Variants in RBFOX1 observed in about 807,000 individuals in gnomAD.
The protein encoded by RBFOX1 is RNA binding fox-1 homolog 1.
A neutral mutation model predicts 57.7 loss-of-function variants in RBFOX1; 8 were observed. The ratio of observed to expected loss-of-function variants is 0.14; its 90% CI spans 0.08 to 0.25. RBFOX1 has a LOEUF of 0.25. Ranked by LOEUF, RBFOX1 falls within the 10% of genes least tolerant of loss-of-function variation. The pLI is 1.00. For missense variants in RBFOX1, 611 were observed against 548.5 expected, an observed-to-expected ratio of 1.11 and a Z score of -1.14; for synonymous variants, 326 against 222.4, an observed-to-expected ratio of 1.47 and a Z score of -4.15.
intron 11 of RBFOX1, among the ~76,000 whole-genome samples, chr16:7,643,866 C>T (rs918123104): frequency 6.6e-6 from 1 of 152,108 alleles, no homozygotes; most frequent in African/African-American, 2.4e-5. Flanking sequence ...GGCGGGCACA[C>T]ACACAGACCC....
chr16:5,257,353 A>G (rs1596320353), intron 1 of RBFOX1, among the ~76,000 whole-genome samples: 2 of 152,194 alleles, frequency 1.3e-5, no homozygotes, highest in African/African-American at 2.4e-5. Flanking sequence ...GTTACATGCT[A>G]TGAGAACCTG....
intron 9 of RBFOX1, among the ~76,000 whole-genome samples, chr16:7,604,834 G>T (rs1253268116): frequency 6.6e-6 from 1 of 152,134 alleles, no homozygotes; most frequent in East Asian, 1.9e-4. Context: ...ATATGCAAAA[G>T]AAAGTATTTA....
intron 4 of RBFOX1, among the ~76,000 whole-genome samples, chr16:7,344,578 A>G (rs950843447): frequency 2.6e-5 from 4 of 151,532 alleles, no homozygotes; most frequent in African/African-American, 4.8e-5. Context: ...TATATGTAAT[A>G]TAAATGATAA....
At chr16:5,420,984 TTCCTCCTCCTCC>T (rs141254741) in intron 1 of RBFOX1, among the ~76,000 whole-genome samples, 1 of 127,538 alleles carries the variant, frequency 7.8e-6, no homozygotes, top group Admixed American at 7.9e-5. Flanking sequence ...CCTTCTTCCC[TTCCTCCTCCTCC>T]TCCTCCTCCT....
At chr16:7,547,394 T>G (rs767657781) in intron 5 of RBFOX1, among the ~76,000 whole-genome samples, 1 of 152,192 alleles carries the variant, frequency 6.6e-6, no homozygotes, top group Non-Finnish European at 1.5e-5. Context: ...CATAATTTAT[T>G]AAGTGAGCAC....
chr16:5,683,863 C>T (rs1016880727), intron 3 of RBFOX1, among the ~76,000 whole-genome samples: 3 of 149,586 alleles, frequency 2.0e-5, no homozygotes, highest in Admixed American at 6.7e-5. Context: ...CATACAGATA[C>T]CTATATGTAT....
At chr16:6,883,622 C>G (rs2063385828) in intron 3 of RBFOX1, among the ~76,000 whole-genome samples, 1 of 152,156 alleles carries the variant, frequency 6.6e-6, no homozygotes, top group Non-Finnish European at 1.5e-5. Flanking sequence ...ACTCTGTGTT[C>G]AGAACTTTTC....
chr16:7,251,859 G>T (rs1053270752), intron 4 of RBFOX1, among the ~76,000 whole-genome samples: 1 of 152,192 alleles, frequency 6.6e-6, no homozygotes. Flanking sequence ...ACAGTAGTGG[G>T]ATTGCTGGAG....
At chr16:7,470,654 G>A (rs1000594421) in intron 4 of RBFOX1, among the ~76,000 whole-genome samples, 2 of 152,086 alleles carry the variant, frequency 1.3e-5, no homozygotes, top group Non-Finnish European at 2.9e-5. Context: ...ATAGACGGAT[G>A]AGTGTACGTA....
intron 2 of RBFOX1, among the ~76,000 whole-genome samples, chr16:6,566,154 C>G (rs2097262820): frequency 6.6e-6 from 1 of 152,150 alleles, no homozygotes. Flanking sequence ...TTCAGCTATG[C>G]CTAAGTCCAA....
chr16:7,336,547 C>A (rs1257650890), intron 4 of RBFOX1, among the ~76,000 whole-genome samples: 1 of 152,204 alleles, frequency 6.6e-6, no homozygotes, highest in East Asian at 1.9e-4. Context: ...ACAAAAGTGA[C>A]AGTCATAGCC....
At chr16:5,490,490 G>T (rs941393351) in intron 2 of RBFOX1, among the ~76,000 whole-genome samples, 1 of 152,172 alleles carries the variant, frequency 6.6e-6, no homozygotes, top group African/African-American at 2.4e-5. Flanking sequence ...GGAACCTGGC[G>T]TTGCTATCCG....
intron 2 of RBFOX1, among the ~76,000 whole-genome samples, chr16:6,632,040 G>A (rs899342734): frequency 1.3e-5 from 2 of 152,264 alleles, no homozygotes; most frequent in African/African-American, 4.8e-5. Context: ...ATAATGTTTG[G>A]ATAATGTTTG....
chr16:5,706,314 G>C (rs755326189), intron 3 of RBFOX1, among the ~76,000 whole-genome samples: 24 of 152,210 alleles, frequency 1.6e-4, no homozygotes, highest in Non-Finnish European at 2.4e-4. Flanking sequence ...TCCTGATGTA[G>C]CATGTCTGGA....
chr16:7,420,912 CATATATATAT>C (rs572840849), intron 4 of RBFOX1, among the ~76,000 whole-genome samples: 1 of 141,084 alleles, frequency 7.1e-6, no homozygotes, highest in African/African-American at 2.7e-5. Context: ...CATATATATA[CATATATATAT>C]ATACACATAT....
intron 4 of RBFOX1, among the ~76,000 whole-genome samples, chr16:7,129,239 G>A (rs568508980): frequency 1.2e-3 from 190 of 152,034 alleles, no homozygotes; most frequent in Middle Eastern, 3.4e-3. Flanking sequence ...TTATTGATTC[G>A]GCTTGGATAG....
intron 3 of RBFOX1, among the ~76,000 whole-genome samples, chr16:5,641,304 A>G (rs1442163519): frequency 6.6e-6 from 1 of 152,258 alleles, no homozygotes; most frequent in African/African-American, 2.4e-5. Flanking sequence ...GTGGAAGGGA[A>G]AAGACAAAGT....
intron 4 of RBFOX1, among the ~76,000 whole-genome samples, chr16:7,417,195 C>G (rs946225684): frequency 6.6e-6 from 1 of 151,816 alleles, no homozygotes; most frequent in Non-Finnish European, 1.5e-5. Flanking sequence ...CATGGTGAAA[C>G]CCCATCTCTA....
At chr16:5,562,351 C>G (rs1479340312) in intron 2 of RBFOX1, among the ~76,000 whole-genome samples, 1 of 152,134 alleles carries the variant, frequency 6.6e-6, no homozygotes, top group Non-Finnish European at 1.5e-5. Flanking sequence ...GATATTGGAA[C>G]TGCTGGGGTC....
Sources: allele counts gnomAD v4.1 joint callset (sites outside exome capture counted in the v4.1 genomes callset), GRCh38; gene constraint gnomAD v4.1.1; transcripts MANE v1.5; gene names NCBI Gene and HGNC (gene_info 2026-07-23, HGNC 2026-07-21).